The following INTS7 variants were observed in gnomAD, a reference collection of about 807,000 sequenced individuals.
INTS7 encodes the protein chromosome 1 open reading frame 73.
In INTS7, 46 loss-of-function variants were observed where a neutral mutation model predicts 109.2. The observed-to-expected ratio is 0.42, with a 90% confidence interval of 0.33 to 0.54. The LOEUF is 0.54. Ranked by LOEUF, INTS7 falls within the 20% of genes least tolerant of loss-of-function variation. The pLI is 0.07. For synonymous variants in INTS7, 412 were observed against 402.9 expected (o/e 1.02, Z -0.27); for missense variants, 929 against 1,132.4 (o/e 0.82, Z 2.58).
chr1:211,953,160 A>C (rs1201937748), intron 16 of INTS7, among the ~76,000 whole-genome samples: 3 of 152,200 alleles, frequency 2.0e-5, no homozygotes, highest in Non-Finnish European at 4.4e-5. Context: ...TAAGATGGGT[A>C]AACTTTGGAG....
chr1:212,002,926 A>T (rs1297669089), intron 7 of INTS7, among the ~76,000 whole-genome samples: 1 of 152,242 alleles, frequency 6.6e-6, no homozygotes, highest in African/African-American at 2.4e-5. Flanking sequence ...AAAAGGGTAT[A>T]GAAATAGAGA....
chr1:211,967,842 A>T, intron 15 of INTS7, 36 bp downstream of exon 15: 1 of 1,157,406 alleles, frequency 8.6e-7, no homozygotes, highest in Non-Finnish European at 1.3e-6. Context: ...AATACTTCCA[A>T]AAAGAACAAG....
chr1:212,014,465 C>CAAAAAAAAA (rs1165612101), intron 4 of INTS7, among the ~76,000 whole-genome samples: 2 of 28,120 alleles, frequency 7.1e-5, no homozygotes, highest in African/African-American at 2.7e-4. Context: ...AACTCCATCT[C>CAAAAAAAAA]AAAAAAAAAA....
chr1:212,021,418 G>GA (rs1006551525), intron 1 of INTS7, among the ~76,000 whole-genome samples: 1 of 150,844 alleles, frequency 6.6e-6, no homozygotes, highest in South Asian at 2.1e-4. Context: ...ACATAATAAT[G>GA]AAAAAAAATT....
chr1:211,981,843 T>C (rs1664682323), intron 9 of INTS7, among the ~76,000 whole-genome samples: 1 of 152,196 alleles, frequency 6.6e-6, no homozygotes, highest in African/African-American at 2.4e-5. Flanking sequence ...TTTTCTGTGT[T>C]ACATGGAAGA....
Position 211,941,942 on chromosome 1 carries a change from GT to G in INTS7, c.2770del (p.Thr924LeufsTer5). On this transcript the variant is annotated frameshift_variant, in exon 20 of 20. Coordinates refer to ENST00000366994, the MANE Select transcript of INTS7 (RefSeq NM_015434.4). LOFTEE classifies it high-confidence loss of function. ...NGIVWKTGPR[T>X]TIFVKSLEDP... is the part of the protein sequence containing the mutation. ...TTCCAGGGATTTTACAAATATGGTA[GT>G]TCTGGGACCAGTCTTCCATACTATA... 1 of 1,614,198 alleles carries G rather than the reference GT, an allele frequency of 6.2e-7. No homozygotes were observed. Among genetic ancestry groups the G allele is most frequent in the Non-Finnish European group, 8.5e-7 (1 of 1,180,026 alleles).
chr1:211,967,734 C>T lies in INTS7; in HGVS notation c.2114+144G>A, dbSNP rs1267827326. On this transcript the variant is annotated intron_variant, in intron 15 of 19. Coordinates refer to ENST00000366994, the MANE Select transcript of INTS7 (RefSeq NM_015434.4). ...AAAGTTAAAAAGTAAGATTATTCTG[C>T]TTATATATTTTAAAGGGGAAACTAT... is the stretch of plus-strand genomic sequence containing the variant. The T allele has an allele frequency of 9.0e-6, 5 of 556,454 alleles. No homozygotes were observed. The African/African-American group carries it at 1.0e-4, about 11-fold the overall frequency. 34.5% of individuals were successfully genotyped at this position (556,454 alleles called of 1,614,324 possible).
At position 211,976,730 on chromosome 1, in the gene INTS7, G is replaced by A. The variant is rs1205238949; in HGVS notation, c.1471-11C>T. On this transcript the variant is annotated splice_polypyrimidine_tract_variant and intron_variant, in intron 11 of 19. Coordinates refer to ENST00000366994, the MANE Select transcript of INTS7 (RefSeq NM_015434.4). ...AGTAGCCAAACTCACCTAACATTGG[G>A]CAAGAAGAAAACCAAGAAAATCATT... is the stretch of plus-strand genomic sequence containing the variant. 3 of 1,613,098 alleles carry A rather than the reference G, an allele frequency of 1.9e-6. No individual in the cohort carries two copies. The highest frequency in any genetic ancestry group is 2.5e-6 in the Non-Finnish European group (3 of 1,179,288).
chr1:211,963,408 G>A (rs911142273), intron 16 of INTS7, among the ~76,000 whole-genome samples: 2 of 151,900 alleles, frequency 1.3e-5, no homozygotes, highest in African/African-American at 4.8e-5. Flanking sequence ...ACTCTACCAG[G>A]TATACATAGA....
At chr1:212,033,547 G>GT (rs1004220536) in intron 1 of INTS7, among the ~76,000 whole-genome samples, 2 of 152,150 alleles carry the variant, frequency 1.3e-5, no homozygotes, top group Non-Finnish European at 2.9e-5. Context: ...AAAAATTGTG[G>GT]TTTTTTTCTT....
intron 13 of INTS7, among the ~76,000 whole-genome samples, chr1:211,970,224 G>C (rs1391965890): frequency 1.3e-5 from 2 of 152,216 alleles, no homozygotes; most frequent in Non-Finnish European, 2.9e-5. Context: ...GTCTTGGGTA[G>C]CATTAGCTAG....
Position 211,976,717 on chromosome 1 carries a change from C to A in INTS7, c.1473G>T (p.Val491=). 1 of 1,613,950 alleles carries A rather than the reference C, an allele frequency of 6.2e-7. No homozygotes were observed. The highest frequency in any genetic ancestry group is 8.5e-7 in the Non-Finnish European group (1 of 1,179,868). ...CAACAAAAATCACAGTAGCCAAACT[C>A]ACCTAACATTGGGCAAGAAGAAAAC... is the stretch of plus-strand genomic sequence containing the variant. The part of the protein sequence containing the change: ...SATDKQQELL[V]SLATVIFVAS... Residue 491 remains valine (V), a splice_region_variant and synonymous_variant, in exon 12 of 20, where the codon GTG becomes GTT. Transcript: ENST00000366994.
rs1665343313 is a variant in INTS7, at chr1:211,995,548, G to A, written c.880-7545C>T. 2.0e-5 allele frequency among the ~76,000 whole-genome samples: 3 copies of A among 152,260 alleles called. No homozygotes were observed. The South Asian group carries it at 6.2e-4, about 32-fold the overall frequency. ...TGGCAATATTAACAAAATGAATGAGGCCAAGGCTGCAAATAGAACAGAAGA... is the reference window on the plus strand; with the variant it reads ...TGGCAATATTAACAAAATGAATGAGACCAAGGCTGCAAATAGAACAGAAGA... On this transcript the variant is annotated intron_variant, in intron 7 of 19. Coordinates refer to ENST00000366994, the MANE Select transcript of INTS7 (RefSeq NM_015434.4).
At chr1:212,023,857 C>A (rs1172875019) in intron 1 of INTS7, among the ~76,000 whole-genome samples, 3 of 152,012 alleles carry the variant, frequency 2.0e-5, no homozygotes, top group African/African-American at 7.3e-5. Context: ...TGAGGTCTTA[C>A]ATTTGAATAT....
At chr1:211,949,295 C>T (rs1016293117) in intron 17 of INTS7, among the ~76,000 whole-genome samples, 3 of 152,326 alleles carry the variant, frequency 2.0e-5, no homozygotes, top group African/African-American at 7.2e-5. Flanking sequence ...ACCTTATATG[C>T]ATCCCAGCCC....
chr1:211,989,372 T>C (rs1235125431), intron 7 of INTS7, among the ~76,000 whole-genome samples: 1 of 150,324 alleles, frequency 6.7e-6, no homozygotes, highest in Non-Finnish European at 1.5e-5. Context: ...AATAAAACTA[T>C]ATCCCTGTTT....
Position 211,978,329 on chromosome 1 carries a change from G to A in INTS7, c.1413C>T (p.Leu471=). 6.2e-7 allele frequency: 1 copy of A among 1,614,160 alleles called. No homozygotes were observed. Among genetic ancestry groups the A allele is most frequent in the Non-Finnish European group, 8.5e-7 (1 of 1,180,022 alleles). The change falls in exon 11 of 20, where the codon CTC becomes CTT. Residue 471 remains leucine, a synonymous_variant. Coordinates refer to ENST00000366994, the MANE Select transcript of INTS7 (RefSeq NM_015434.4). The part of the protein sequence containing the change: ...PVLGDGMLGD[L]MELYKVIGRS... The stretch of plus-strand genomic sequence containing the variant: ...GTCCAATCACCTTGTACAGCTCCAT[G>A]AGGTCACCAAGCATCCCATCACCCA...
chr1:212,002,425 T>C (rs980038956), intron 7 of INTS7, among the ~76,000 whole-genome samples: 1 of 152,218 alleles, frequency 6.6e-6, no homozygotes. Context: ...AGGCAATCTA[T>C]CTCATGTAGA....
chr1:211,957,517 G>C (rs1663424638), intron 16 of INTS7, among the ~76,000 whole-genome samples: 1 of 152,178 alleles, frequency 6.6e-6, no homozygotes, highest in Non-Finnish European at 1.5e-5. Context: ...CTGTACTCCA[G>C]CCTGGGCGAC....
Sources: allele counts gnomAD v4.1 joint callset (sites outside exome capture counted in the v4.1 genomes callset), GRCh38; gene constraint gnomAD v4.1.1; transcripts MANE v1.5; gene names NCBI Gene and HGNC (gene_info 2026-07-23, HGNC 2026-07-21).